PSMA1: variants seen among roughly 807,000 people sequenced by gnomAD.
PSMA1 encodes the protein proteasome 20S subunit alpha 1, also known as proteasome subunit alpha type-1.
Under a neutral mutation model 38.4 loss-of-function variants are expected in PSMA1, and 3 were observed. The ratio of observed to expected loss-of-function variants is 0.08; its 90% CI spans 0.04 to 0.20. The LOEUF (loss-of-function observed/expected upper bound fraction) is 0.20, where lower values mean the gene tolerates loss of function less well. Ranked by LOEUF, PSMA1 falls within the 10% of genes least tolerant of loss-of-function variation. The probability of loss-of-function intolerance (pLI) is 1.00; values close to 1 mark genes in which losing one functional copy is unlikely to be tolerated. For missense variants in PSMA1, 227 were observed against 325.3 expected (o/e 0.70, Z 2.32); for synonymous variants, 101 against 107.1 (o/e 0.94, Z 0.35).
intron 1 of PSMA1, among the ~76,000 whole-genome samples, chr11:14,631,563 G>T (rs1315965111): frequency 3.3e-5 from 5 of 152,104 alleles, no homozygotes; most frequent in African/African-American, 7.2e-5. Flanking sequence ...TTTTACATTT[G>T]CTGAGGAGAG....
At chr11:14,520,802 C>G (rs899048423), upstream of PSMA1, 3 of 168,144 alleles carry the variant, frequency 1.8e-5, no homozygotes, top group Non-Finnish European at 3.9e-5. Flanking sequence ...CAGCTGTATT[C>G]TTCCTCGAGT....
intron 2 of PSMA1, among the ~76,000 whole-genome samples, chr11:14,569,759 C>T (rs1852116014): frequency 6.6e-6 from 1 of 152,256 alleles, no homozygotes. Context: ...GCCTGCCAGC[C>T]TCTGTAGACT....
At chr11:14,631,429 T>C (rs1320016548) in intron 1 of PSMA1, among the ~76,000 whole-genome samples, 8 of 152,112 alleles carry the variant, frequency 5.3e-5, no homozygotes, top group African/African-American at 1.5e-4. Flanking sequence ...ATATACCCAG[T>C]AGTCATTCAG....
chr11:14,632,802 A>G lies in PSMA1; in HGVS notation c.-166+10653T>C, dbSNP rs552940118. ...CATTCTCCCCATCACTTTCAGGTAC[A>G]CCAATCAGACGTAGATTTGGTCTTT... On this transcript the variant is annotated intron_variant, in intron 1 of 10. Coordinates refer to the PSMA1 transcript ENST00000418988. 1.1e-4 allele frequency among the ~76,000 whole-genome samples: 16 copies of G among 151,884 alleles called. No individual in the cohort carries two copies. In the South Asian group the frequency reaches 3.3e-3, roughly 32 times the overall value.
chr11:14,622,191 A>G (rs1224937399), intron 1 of PSMA1, among the ~76,000 whole-genome samples: 1 of 152,218 alleles, frequency 6.6e-6, no homozygotes, highest in Non-Finnish European at 1.5e-5. Context: ...TGATTAATAG[A>G]ACAGATTAAT....
At chr11:14,582,810 C>T (rs1207212680) in intron 2 of PSMA1, among the ~76,000 whole-genome samples, 3 of 151,844 alleles carry the variant, frequency 2.0e-5, no homozygotes, top group Non-Finnish European at 2.9e-5. Context: ...GGATTACAGG[C>T]GTGAGCCACT....
At chr11:14,546,036 G>A (rs1166567143) in intron 2 of PSMA1, among the ~76,000 whole-genome samples, 1 of 152,120 alleles carries the variant, frequency 6.6e-6, no homozygotes, top group East Asian at 1.9e-4. Context: ...GGTCCATCAA[G>A]CTCAAGTTAA....
intron 1 of PSMA1, among the ~76,000 whole-genome samples, chr11:14,632,321 T>A (rs1244107934): frequency 6.7e-6 from 1 of 149,684 alleles, no homozygotes; most frequent in Non-Finnish European, 1.5e-5. Context: ...TTCCTTTCCA[T>A]GTTTAGTGCT....
At chr11:14,563,706 C>T (rs1187726547) in intron 2 of PSMA1, among the ~76,000 whole-genome samples, 2 of 152,076 alleles carry the variant, frequency 1.3e-5, no homozygotes, top group African/African-American at 4.8e-5. Context: ...AAAAAAAATG[C>T]CCATAATTCT....
At chr11:14,591,242 C>G (rs1852410657) in intron 2 of PSMA1, among the ~76,000 whole-genome samples, 1 of 152,228 alleles carries the variant, frequency 6.6e-6, no homozygotes, top group Non-Finnish European at 1.5e-5. Flanking sequence ...GGTCCCCCAG[C>G]AGTGCCAGCC....
At chr11:14,622,718 G>C (rs961614306) in intron 1 of PSMA1, among the ~76,000 whole-genome samples, 2 of 152,212 alleles carry the variant, frequency 1.3e-5, no homozygotes, top group African/African-American at 4.8e-5. Context: ...CTGCTAGATT[G>C]AGTGACATAG....
At chr11:14,512,845 A>G (rs1851367351) in intron 7 of PSMA1, among the ~76,000 whole-genome samples, 1 of 152,198 alleles carries the variant, frequency 6.6e-6, no homozygotes, top group Non-Finnish European at 1.5e-5. Flanking sequence ...ATTTACCATA[A>G]TTTACAATGT....
intron 1 of PSMA1, among the ~76,000 whole-genome samples, chr11:14,625,970 T>C (rs1241802113): frequency 6.6e-6 from 1 of 152,208 alleles, no homozygotes; most frequent in Non-Finnish European, 1.5e-5. Flanking sequence ...CTACCTCCTG[T>C]ACTGGATCTA....
chr11:14,582,706 T>A (rs1405122132), intron 2 of PSMA1, among the ~76,000 whole-genome samples: 7 of 146,698 alleles, frequency 4.8e-5, no homozygotes, highest in Non-Finnish European at 1.1e-4. Context: ...TTTTTTGTAC[T>A]TTTTAGTAGA....
intron 2 of PSMA1, among the ~76,000 whole-genome samples, chr11:14,538,298 T>C (rs988648023): frequency 3.9e-5 from 6 of 152,216 alleles, no homozygotes; most frequent in African/African-American, 1.4e-4. Flanking sequence ...ATTCAAATAT[T>C]GAATCCCTGT....
chr11:14,565,726 T>G (rs780209347), intron 2 of PSMA1, among the ~76,000 whole-genome samples: 1 of 152,280 alleles, frequency 6.6e-6, no homozygotes, highest in East Asian at 1.9e-4. Flanking sequence ...CAGGGAGAGA[T>G]AAGCAATAAG....
At chr11:14,568,300 T>G (rs1852097947) in intron 2 of PSMA1, among the ~76,000 whole-genome samples, 1 of 152,188 alleles carries the variant, frequency 6.6e-6, no homozygotes, top group Non-Finnish European at 1.5e-5. Flanking sequence ...AAAAGCTCCT[T>G]TGCTCAGCTT....
intron 2 of PSMA1, among the ~76,000 whole-genome samples, chr11:14,608,442 A>G (rs1852669310): frequency 6.6e-6 from 1 of 151,566 alleles, no homozygotes; most frequent in African/African-American, 2.4e-5. Context: ...GGTTAGCATT[A>G]GGAGATATAC....
chr11:14,511,117 C>T (rs972890861), intron 7 of PSMA1, 166 bp from the exon 8 acceptor site: 2 of 416,574 alleles, frequency 4.8e-6, no homozygotes, highest in African/African-American at 4.1e-5. Flanking sequence ...TAATAGCATT[C>T]TATGACATTG....
Sources: gnomAD v4.1 joint callset for allele counts (sites outside exome capture counted in the v4.1 genomes callset) on GRCh38, gnomAD v4.1.1 for gene constraint, MANE v1.5 for transcripts, NCBI Gene and HGNC (gene_info 2026-07-23, HGNC 2026-07-21) for gene names.